GNB1: variants seen among roughly 807,000 people sequenced by gnomAD.
GNB1 encodes guanine nucleotide-binding protein G(I)/G(S)/G(T) subunit beta-1.
A neutral mutation model predicts 42.9 loss-of-function variants in GNB1; 2 were observed. The ratio of observed to expected loss-of-function variants is 0.05; its 90% CI spans 0.02 to 0.15. The LOEUF is 0.15. Among genes scored for constraint, GNB1 ranks in the 10% least tolerant of loss-of-function variants. GNB1 has a pLI of 1.00. For synonymous variants in GNB1, 183 were observed against 174.7 expected (o/e 1.05, Z -0.38); for missense variants, 193 against 462.2 (o/e 0.42, Z 5.34).
In GNB1 at chr1:1,790,298, A is replaced by G; in HGVS notation, c.699+97T>C. The G allele has an allele frequency of 1.2e-6, 1 of 811,156 alleles. No individual in the cohort carries two copies. Among genetic ancestry groups the G allele is most frequent in the Non-Finnish European group, 2.1e-6 (1 of 476,080 alleles). The allele number at this position is 811,156 out of a possible 1,614,324, so 50.2% of individuals were successfully genotyped here. On this transcript the variant is annotated intron_variant, in intron 9 of 11. Transcript: ENST00000378609. This position sits in a 1 kb window ranked among gnomAD's most constrained non-coding sequence, Gnocchi z 5.4. ...ACATGAGGTTGTATAAGGATCAGAA[A>G]GGAGAACATCTAATCCAGAAAAGTT... is the stretch of plus-strand genomic sequence containing the variant.
chr1:1,810,840 G>C (rs536906279), intron 5 of GNB1, among the ~76,000 whole-genome samples: 1 of 151,586 alleles, frequency 6.6e-6, no homozygotes, highest in Non-Finnish European at 1.5e-5. Flanking sequence ...GTTAACTTTT[G>C]TATTTTTGGC....
chr1:1,810,255 C>G (rs1342359751), intron 5 of GNB1, among the ~76,000 whole-genome samples: 1 of 151,328 alleles, frequency 6.6e-6, no homozygotes, highest in Non-Finnish European at 1.5e-5. Flanking sequence ...TTAGTTGAGA[C>G]AGGGTTTCAT....
chr1:1,880,308 A>G (rs1245287444), intron 1 of GNB1, among the ~76,000 whole-genome samples: 1 of 152,160 alleles, frequency 6.6e-6, no homozygotes, highest in Non-Finnish European at 1.5e-5. Context: ...ACATCTTAAT[A>G]TGATTATGAA....
intron 1 of GNB1, among the ~76,000 whole-genome samples, chr1:1,870,318 G>A (rs2101764920): frequency 6.6e-6 from 1 of 152,144 alleles, no homozygotes; most frequent in Middle Eastern, 3.4e-3. Flanking sequence ...AGGACTACAG[G>A]CACCATGCCC....
intron 6 of GNB1, among the ~76,000 whole-genome samples, chr1:1,805,207 C>T (rs1467822455): frequency 6.6e-6 from 1 of 151,652 alleles, no homozygotes; most frequent in African/African-American, 2.4e-5. Flanking sequence ...GCCTGTAATC[C>T]TAGCACTTTG....
intron 8 of GNB1, among the ~76,000 whole-genome samples, chr1:1,792,386 G>A (rs1646492400): frequency 6.6e-6 from 1 of 152,082 alleles, no homozygotes; most frequent in African/African-American, 2.4e-5. Context: ...CAGGTACTTT[G>A]AGCCTGATTG....
intron 1 of GNB1, among the ~76,000 whole-genome samples, chr1:1,864,828 C>A (rs1371392234): frequency 6.6e-6 from 1 of 152,216 alleles, no homozygotes; most frequent in African/African-American, 2.4e-5. Context: ...GCTGCTGATG[C>A]ACATCTCCTC....
At chr1:1,884,183 G>A (rs12138152) in intron 1 of GNB1, among the ~76,000 whole-genome samples, 37,842 of 150,530 alleles carry the variant, frequency 0.25, 4,957 homozygotes, top group African/African-American at 0.28. Flanking sequence ...CCAGGCTGGA[G>A]TGCAATGGCA....
chr1:1,863,419 C>T (rs1648737067), intron 1 of GNB1, among the ~76,000 whole-genome samples: 1 of 152,208 alleles, frequency 6.6e-6, no homozygotes, highest in African/African-American at 2.4e-5. Flanking sequence ...AAAGCACTGC[C>T]GTCCCTTGCC....
At position 1,879,403 on chromosome 1, in the gene GNB1, T is replaced by A. The variant is rs76973525; in HGVS notation, c.-96+11417A>T. On this transcript the variant is annotated intron_variant, in intron 1 of 11. Coordinates refer to ENST00000378609, the MANE Select transcript of GNB1 (RefSeq NM_002074.5). ...TGCATGTTACCATACATAACATTTT[T>A]ATAAAGAACAACTACTTTCTAGGCC... is the stretch of plus-strand genomic sequence containing the variant. Among the ~76,000 whole-genome samples the A allele has an allele frequency of 3.0e-3, 453 of 152,332 alleles. 6 individuals are homozygous for A. In the East Asian group the frequency reaches 0.048, roughly 16 times the overall value.
chr1:1,865,541 G>C (rs193050009), intron 1 of GNB1, among the ~76,000 whole-genome samples: 1 of 151,974 alleles, frequency 6.6e-6, no homozygotes, highest in Non-Finnish European at 1.5e-5. Flanking sequence ...AGCCAAGATT[G>C]TGCCACCGCA....
chr1:1,881,710 A>G (rs1352017931), intron 1 of GNB1, among the ~76,000 whole-genome samples: 2 of 152,120 alleles, frequency 1.3e-5, no homozygotes, highest in African/African-American at 4.8e-5. Flanking sequence ...TCAAGGTAAA[A>G]GCTCTTTATC....
At chr1:1,871,444 A>C (rs1354239552) in intron 1 of GNB1, among the ~76,000 whole-genome samples, 6 of 152,108 alleles carry the variant, frequency 3.9e-5, no homozygotes, top group African/African-American at 7.2e-5. Flanking sequence ...ACGGCAACAG[A>C]GTGAGACTTA....
chr1:1,819,015 G>A (rs887109238), intron 3 of GNB1, among the ~76,000 whole-genome samples: 3 of 152,182 alleles, frequency 2.0e-5, no homozygotes, highest in Admixed American at 2.0e-4. Flanking sequence ...ATGACCTGCG[G>A]CTGCAGGTAG....
chr1:1,889,793 A>T (rs1650370162), intron 1 of GNB1, among the ~76,000 whole-genome samples: 1 of 152,224 alleles, frequency 6.6e-6, no homozygotes, highest in Non-Finnish European at 1.5e-5. Context: ...CTATCGATTC[A>T]CAAGAAAAAA....
intron 7 of GNB1, among the ~76,000 whole-genome samples, chr1:1,797,494 A>G (rs1355886387): frequency 6.6e-6 from 1 of 151,780 alleles, no homozygotes; most frequent in Non-Finnish European, 1.5e-5. Context: ...GCTGGAGTGC[A>G]GTGGTGCGGC....
At chr1:1,846,983 G>T (rs1211027060) in intron 1 of GNB1, among the ~76,000 whole-genome samples, 1 of 152,138 alleles carries the variant, frequency 6.6e-6, no homozygotes, top group East Asian at 1.9e-4. Context: ...CCAACCAAGA[G>T]GCACCAGGGT....
chr1:1,863,789 G>A (rs1253995846), intron 1 of GNB1, among the ~76,000 whole-genome samples: 1 of 152,182 alleles, frequency 6.6e-6, no homozygotes, highest in Non-Finnish European at 1.5e-5. Flanking sequence ...CTATGCTTAA[G>A]CACTGAATCC....
chr1:1,831,413 C>T (rs926565127), intron 2 of GNB1, among the ~76,000 whole-genome samples: 31 of 152,086 alleles, frequency 2.0e-4, no homozygotes, highest in African/African-American at 7.5e-4. Flanking sequence ...AAAACGCTTA[C>T]TATATACTAA....
Sources: gnomAD v4.1 joint callset for allele counts (sites outside exome capture counted in the v4.1 genomes callset) on GRCh38, gnomAD v4.1.1 for gene constraint, Gnocchi (gnomAD v3.1) non-coding constraint, MANE v1.5 for transcripts, NCBI Gene and HGNC (gene_info 2026-07-23, HGNC 2026-07-21) for gene names.